Variants in LAMC3 observed in about 807,000 individuals in gnomAD.
LAMC3 encodes the protein laminin subunit gamma 3.
In LAMC3, 128 loss-of-function variants were observed where a neutral mutation model predicts 173.8. That is an observed-to-expected ratio of 0.74 (90% CI 0.64 to 0.85). LAMC3 has a LOEUF of 0.85. LAMC3 is among the 40% of genes least tolerant of loss of function. The pLI is 0.00. For missense variants in LAMC3, 2,022 were observed against 2,156.0 expected (o/e 0.94, Z 1.23); for synonymous variants, 897 against 909.1 (o/e 0.99, Z 0.24).
chr9:131,025,155 C>G (rs1001124209), intron 1 of LAMC3, among the ~76,000 whole-genome samples: 1 of 152,142 alleles, frequency 6.6e-6, no homozygotes, highest in Non-Finnish European at 1.5e-5. Context: ...GCGCCCGCAC[C>G]CCAGGCTCCC....
chr9:131,009,589 T>A lies in LAMC3; in HGVS notation c.373+2T>A. On this transcript the variant is annotated splice_donor_variant, in intron 1 of 27. Transcript: ENST00000361069. LOFTEE classifies it high-confidence loss of function. The surrounding 1 kb of genome is among the most constrained non-coding windows in gnomAD (Gnocchi z 4.3). ...CGGTCAACATCACCCTCCGCCTAGGTAAGCGCGGGCTGGGGGCACCGCCAC... is the reference window on the plus strand; with the variant it reads ...CGGTCAACATCACCCTCCGCCTAGGAAAGCGCGGGCTGGGGGCACCGCCAC... 1 of 1,568,864 alleles carries A rather than the reference T, an allele frequency of 6.4e-7. No individual in the cohort carries two copies. Among genetic ancestry groups the A allele is most frequent in the African/African-American group, 1.4e-5 (1 of 73,830 alleles).
intron 7 of LAMC3, 98 bp downstream of exon 7, chr9:131,041,833 C>T (rs1213335097): frequency 2.2e-5 from 23 of 1,025,794 alleles, no homozygotes; most frequent in Middle Eastern, 2.9e-4. Context: ...GCAAGGGGCA[C>T]GGTCTTCATG....
Position 131,082,165 on chromosome 9 carries a change from C to A in LAMC3, c.4030+4C>A. 2 of 1,605,720 alleles carry A rather than the reference C, an allele frequency of 1.2e-6. No individual in the cohort carries two copies. The highest frequency in any genetic ancestry group is 1.7e-6 in the Non-Finnish European group (2 of 1,173,272). ...ACTCTGCTGGCTGATCTGGAAGGTA[C>A]GTGAGTCCAGCTGACCACTAGGCTG... On this transcript the variant is annotated splice_donor_region_variant and intron_variant, in intron 24 of 27. Transcript: ENST00000361069.
rs1345754731 is a variant in LAMC3 at position 131,039,133 on chromosome 9, T to C, written c.1168T>C (p.Ser390Pro). Residue 390 changes from serine to proline, a missense_variant and splice_region_variant, in exon 6 of 28, where the codon TCC (serine) becomes CCC (proline). Ser to Pro is a moderately conservative substitution (Grantham distance 74, BLOSUM62 -1). Transcript: ENST00000361069. ...GCCCTGTGCCCTTCCTCTCCCAGGC[T>C]CCCTACACCTCCAGTGCGATGACAC... Reference protein sequence around the residue: ...CQPCDCQSAGSLHLQCDDTGT... With the variant: ...CQPCDCQSAGPLHLQCDDTGT... 6.2e-7 allele frequency: 1 copy of C among 1,611,326 alleles called. No individual in the cohort carries two copies. Among genetic ancestry groups the C allele is most frequent in the South Asian group, 1.1e-5 (1 of 91,062 alleles).
chr9:131,016,935 AT>A (rs3840732), intron 1 of LAMC3, among the ~76,000 whole-genome samples: 4 of 151,092 alleles, frequency 2.6e-5, no homozygotes, highest in Admixed American at 6.6e-5. Flanking sequence ...CATTTCTACG[AT>A]TTTTTTTTTA....
At position 131,036,649 on chromosome 9, in the gene LAMC3, G is replaced by A. The variant is rs189944451; in HGVS notation, c.976+317G>A. Among the ~76,000 whole-genome samples, 6 of 152,266 alleles carry A rather than the reference G, an allele frequency of 3.9e-5. No homozygotes were observed. The East Asian group carries it at 5.8e-4, about 15-fold the overall frequency. ...ACCGCTCCCACCCCAGCTGCTAATC[G>A]GAACCAGGCTACCCAACAAGCAAGG... On this transcript the variant is annotated intron_variant, in intron 4 of 27. Coordinates refer to ENST00000361069, the MANE Select transcript of LAMC3 (RefSeq NM_006059.4).
intron 1 of LAMC3, among the ~76,000 whole-genome samples, chr9:131,013,738 C>G (rs983971704): frequency 1.3e-5 from 2 of 152,214 alleles, no homozygotes; most frequent in Non-Finnish European, 1.5e-5. Context: ...GTTCTTCGAC[C>G]TGCCGGGCCT....
At position 131,066,955 on chromosome 9, in the gene LAMC3, C is replaced by G. The variant is rs1350725895; in HGVS notation, c.2348-5C>G. The G allele has an allele frequency of 1.9e-6, 3 of 1,613,602 alleles. No homozygotes were observed. The highest frequency in any genetic ancestry group is 2.5e-6 in the Non-Finnish European group (3 of 1,180,012). On this transcript the variant is annotated splice_polypyrimidine_tract_variant and splice_region_variant and intron_variant, in intron 13 of 27. Coordinates refer to ENST00000361069, the MANE Select transcript of LAMC3 (RefSeq NM_006059.4). ...GTTCCCCACACGTGCTCCCTCTACA[C>G]ACAGGGCGGCGCTGTGAGGTCTGTG...
intron 18 of LAMC3, 69 bp from the exon 19 acceptor site, chr9:131,072,561 C>G: frequency 7.2e-7 from 1 of 1,379,514 alleles, no homozygotes; most frequent in South Asian, 1.2e-5. Context: ...GAAGGGGACC[C>G]CTGGGGGTGG....
intron 27 of LAMC3, among the ~76,000 whole-genome samples, chr9:131,089,344 G>A (rs539803973): frequency 2.6e-5 from 4 of 152,024 alleles, no homozygotes; most frequent in Non-Finnish European, 5.9e-5. Context: ...ACTACTCTGG[G>A]GACCTCATAT....
At chr9:131,014,226 T>G (rs1415408741) in intron 1 of LAMC3, among the ~76,000 whole-genome samples, 1 of 152,214 alleles carries the variant, frequency 6.6e-6, no homozygotes, top group East Asian at 1.9e-4. Flanking sequence ...ACACTGCCCT[T>G]CAGCAAGGCC....
chr9:131,020,680 G>C, intron 1 of LAMC3, among the ~76,000 whole-genome samples: 1 of 152,190 alleles, frequency 6.6e-6, no homozygotes, highest in East Asian at 1.9e-4. Context: ...ACAGACGAGG[G>C]GCTGAGAGAA....
In LAMC3 at chr9:131,067,276, C is replaced by T. The variant is rs1829956729; in HGVS notation, c.2593+71C>T. 32 of 1,591,826 alleles carry T rather than the reference C, an allele frequency of 2.0e-5. No individual in the cohort carries two copies. The South Asian group carries it at 2.3e-4, about 12-fold the overall frequency. The stretch of plus-strand genomic sequence containing the variant: ...TTCTCTTCTGCCCTGGCTCAGGGCC[C>T]AGAAGGGGTGGCTGAGGAACCCACC... On this transcript the variant is annotated intron_variant, in intron 14 of 27. Transcript: ENST00000361069.
Position 131,093,225 on chromosome 9 carries a change from T to C in LAMC3, c.*1438T>C, listed in dbSNP as rs752928. 103,060 of 151,968 alleles carry C rather than the reference T, an allele frequency of 0.68. 37,107 individuals carry two copies. The highest frequency in any genetic ancestry group is 0.79 in the Non-Finnish European group (54,011 of 67,978). The allele number at this position is 151,968 out of a possible 1,614,324, so 9.4% of individuals were successfully genotyped here. On this transcript the variant is annotated 3_prime_UTR_variant, in exon 28 of 28. Transcript: ENST00000361069. ...GCCAGTACCTCCCATTAGAGGGCTT[T>C]GCTGGGGTTGTGTGATCACAGGTAC...
chr9:131,057,047 C>T lies in LAMC3; in HGVS notation c.2058C>T (p.Ser686=), dbSNP rs1834421874. The T allele has an allele frequency of 6.2e-7, 1 of 1,614,194 alleles. No homozygotes were observed. The highest frequency in any genetic ancestry group is 8.5e-7 in the Non-Finnish European group (1 of 1,180,028). The change falls in exon 12 of 28, where the codon TCC becomes TCT. Residue 686 remains serine (S), a synonymous_variant. Transcript: ENST00000361069. ...GCTACACGGGCCAGTTCTGTGAATC[C>T]TGTGCTCCGGGATACAAGAGGGAGA... The part of the protein sequence containing the change: ...PTGYTGQFCE[S]CAPGYKREMP...
rs201512940 is a variant in LAMC3 at position 131,052,949 on chromosome 9, C to A, written c.1923C>A (p.Pro641=). Residue 641 remains proline (P), a synonymous_variant, in exon 11 of 28, where the codon CCC becomes CCA. Coordinates refer to ENST00000361069, the MANE Select transcript of LAMC3 (RefSeq NM_006059.4). ...NLTSLRLRVS[P]GPSPAGPVFL... is the part of the protein sequence containing the mutation. The stretch of plus-strand genomic sequence containing the variant: ...CCAGCCTCCGCCTCCGCGTCAGTCC[C>A]GGCCCCAGCCCTGCCGGTCAGTAAA... The A allele has an allele frequency of 1.6e-5, 25 of 1,612,892 alleles. No individual in the cohort carries two copies. The highest frequency in any genetic ancestry group is 2.7e-5 in the African/African-American group (2 of 74,948).
chr9:131,046,684 CCTATACCGTGGT>C (rs1267420059), intron 8 of LAMC3, among the ~76,000 whole-genome samples: 1 of 151,588 alleles, frequency 6.6e-6, no homozygotes, highest in Admixed American at 6.6e-5. Context: ...GCTGTGGTGG[CCTATACCGTGGT>C]CCCTGACTCC....
intron 4 of LAMC3, among the ~76,000 whole-genome samples, chr9:131,038,353 A>G (rs55721418): frequency 2.6e-5 from 4 of 151,944 alleles, no homozygotes; most frequent in African/African-American, 9.7e-5. Flanking sequence ...TCATGGATCC[A>G]CCCCTGAGCT....
rs1213651527 is a variant in LAMC3, at chr9:131,054,773, G to T, written c.1939+1808G>T. On this transcript the variant is annotated intron_variant, in intron 11 of 27. Transcript: ENST00000361069. ...GAAAGAAAGAAAAAGAAAGAGAGAG[G>T]GGAAGGGAGGGGGAGAAAGAGAGAG... Among the ~76,000 whole-genome samples the T allele has an allele frequency of 2.7e-5, 4 of 148,548 alleles. No individual in the cohort carries two copies. In the East Asian group the frequency reaches 7.9e-4, roughly 29 times the overall value.
Sources: gnomAD v4.1 joint callset for allele counts (sites outside exome capture counted in the v4.1 genomes callset) on GRCh38, gnomAD v4.1.1 for gene constraint, Gnocchi (gnomAD v3.1) non-coding constraint, MANE v1.5 for transcripts, NCBI Gene and HGNC (gene_info 2026-07-23, HGNC 2026-07-21) for gene names.